Variants in SMARCC1 observed in about 807,000 individuals in gnomAD.
SMARCC1 encodes the protein SWI/SNF complex subunit SMARCC1.
A neutral mutation model predicts 147.4 loss-of-function variants in SMARCC1; 43 were observed. The ratio of observed to expected loss-of-function variants is 0.29; its 90% CI spans 0.23 to 0.38. The LOEUF (loss-of-function observed/expected upper bound fraction) is 0.38, where lower values mean the gene tolerates loss of function less well. Ranked by LOEUF, SMARCC1 falls within the 10% of genes least tolerant of loss-of-function variation. SMARCC1 has a pLI of 1.00. For missense variants in SMARCC1, 1,119 were observed against 1,381.1 expected, an observed-to-expected ratio of 0.81 and a Z score of 3.01; for synonymous variants, 495 against 484.4, an observed-to-expected ratio of 1.02 and a Z score of -0.29.
At chr3:47,667,607 G>A (rs920405374) in intron 19 of SMARCC1, among the ~76,000 whole-genome samples, 4 of 152,148 alleles carry the variant, frequency 2.6e-5, no homozygotes, top group South Asian at 4.1e-4. Flanking sequence ...GGCCAAGCGC[G>A]GTGGCTTGTG....
chr3:47,679,557 A>G (rs1316426893), intron 15 of SMARCC1, among the ~76,000 whole-genome samples: 1 of 152,172 alleles, frequency 6.6e-6, no homozygotes, highest in Non-Finnish European at 1.5e-5. Flanking sequence ...ACATTCACAC[A>G]CAAGTTGAAA....
chr3:47,778,345 G>A (rs1057029322), intron 1 of SMARCC1, among the ~76,000 whole-genome samples: 2 of 151,502 alleles, frequency 1.3e-5, no homozygotes, highest in Admixed American at 1.3e-4. Context: ...GTCTCGCTCT[G>A]TTGCCCAGGC....
At chr3:47,757,733 G>A (rs540504060) in intron 2 of SMARCC1, among the ~76,000 whole-genome samples, 2 of 148,544 alleles carry the variant, frequency 1.3e-5, no homozygotes, top group Non-Finnish European at 3.0e-5. Flanking sequence ...GCAGTGAGCC[G>A]AGATCCCGCC....
At chr3:47,687,614 G>GA (rs1310337011) in intron 13 of SMARCC1, among the ~76,000 whole-genome samples, 1 of 152,172 alleles carries the variant, frequency 6.6e-6, no homozygotes, top group Non-Finnish European at 1.5e-5. Context: ...ACCATAGGCA[G>GA]GTGCCACCAC....
chr3:47,731,797 T>C (rs1351830456), intron 5 of SMARCC1, among the ~76,000 whole-genome samples: 1 of 152,202 alleles, frequency 6.6e-6, no homozygotes, highest in Non-Finnish European at 1.5e-5. Context: ...ATACTGTAAA[T>C]AGATGTGCTG....
intron 2 of SMARCC1, among the ~76,000 whole-genome samples, chr3:47,755,473 G>T (rs963997504): frequency 6.7e-6 from 1 of 149,488 alleles, no homozygotes; most frequent in East Asian, 2.0e-4. Context: ...CTCCAGCCTG[G>T]GCAACAGAGC....
chr3:47,590,591 C>G, intron 27 of SMARCC1, 70 bp downstream of exon 27: 21 of 1,331,104 alleles, frequency 1.6e-5, no homozygotes, highest in Non-Finnish European at 2.1e-5. Context: ...GAGAACAAAG[C>G]CTCCTTCCCT....
chr3:47,592,534 C>A (rs1285900070), intron 26 of SMARCC1, among the ~76,000 whole-genome samples: 1 of 152,178 alleles, frequency 6.6e-6, no homozygotes, highest in Middle Eastern at 3.2e-3. Context: ...TGTAGGCGAT[C>A]CCTGCTTTGG....
chr3:47,734,112 G>A (rs887453255), intron 5 of SMARCC1, among the ~76,000 whole-genome samples: 8 of 151,922 alleles, frequency 5.3e-5, no homozygotes, highest in Non-Finnish European at 7.4e-5. Context: ...AGTATGACCC[G>A]GTGACAAAAA....
chr3:47,683,723 C>CA (rs1042690927), intron 14 of SMARCC1, among the ~76,000 whole-genome samples: 6 of 151,348 alleles, frequency 4.0e-5, no homozygotes, highest in Non-Finnish European at 8.8e-5. Flanking sequence ...GACTCCGTCT[C>CA]AAAAAAACAG....
chr3:47,624,228 T>G (rs926594184), intron 24 of SMARCC1, among the ~76,000 whole-genome samples: 3 of 151,526 alleles, frequency 2.0e-5, no homozygotes, highest in African/African-American at 7.3e-5. Context: ...GAGGCAGAGG[T>G]TGCAGTGAGC....
intron 7 of SMARCC1, among the ~76,000 whole-genome samples, chr3:47,715,991 C>G (rs946718580): frequency 6.6e-6 from 1 of 151,696 alleles, no homozygotes; most frequent in Non-Finnish European, 1.5e-5. Context: ...AAAATAGGCA[C>G]AAAATTTTAA....
chr3:47,680,541 G>GTTGTTTT, intron 14 of SMARCC1, 33 bp from the exon 15 acceptor site: 2 of 425,120 alleles, frequency 4.7e-6, no homozygotes. Flanking sequence ...ATTTAGGAGT[G>GTTGTTTT]TTCTTTTTTT....
chr3:47,647,484 C>T (rs1440500277), intron 21 of SMARCC1, among the ~76,000 whole-genome samples: 2 of 152,162 alleles, frequency 1.3e-5, no homozygotes, highest in East Asian at 1.9e-4. Flanking sequence ...ATATTTTCAA[C>T]TTATAATGAG....
At chr3:47,590,916 A>C (rs1335949233) in intron 26 of SMARCC1, 79 bp from the exon 27 acceptor site, 4 of 1,161,416 alleles carry the variant, frequency 3.4e-6, no homozygotes, top group Non-Finnish European at 5.0e-6. Context: ...CCAACTCCTA[A>C]ATACAAATAT....
chr3:47,673,402 G>C lies in SMARCC1; in HGVS notation c.1839+2073C>G, dbSNP rs1232290060. 2.2e-5 allele frequency among the ~76,000 whole-genome samples: 3 copies of C among 135,208 alleles called. 1 individual carries two copies. The highest frequency in any genetic ancestry group is 5.2e-5 in the African/African-American group (2 of 38,324). The allele number at this position is 135,208 out of a possible 152,430, so 88.7% of individuals were successfully genotyped here. On this transcript the variant is annotated intron_variant, in intron 18 of 27. Transcript: ENST00000254480. ...CTCTGTCTCAAAAAAAAAAGGGTGG[G>C]GGGGGGGCAGGCCAGTGGCTCAGGC...
At chr3:47,616,989 T>C (rs1191018508) in intron 25 of SMARCC1, among the ~76,000 whole-genome samples, 1 of 151,914 alleles carries the variant, frequency 6.6e-6, no homozygotes, top group East Asian at 1.9e-4. Flanking sequence ...GTGGGGGAGG[T>C]GGAGAGTTGG....
At position 47,772,952 on chromosome 3, in the gene SMARCC1, A is replaced by G. The variant is rs755584631; in HGVS notation, c.196-16T>C. The G allele has an allele frequency of 2.5e-6, 4 of 1,607,534 alleles. No homozygotes were observed. Among genetic ancestry groups the G allele is most frequent in the Admixed American group, 3.4e-5 (2 of 58,988 alleles). ...CATGAACATACTGCAAGATAAAGAC[A>G]GGCATTCAAAAACTAGTACAATTTT... is the stretch of plus-strand genomic sequence containing the variant. On this transcript the variant is annotated splice_polypyrimidine_tract_variant and intron_variant, in intron 1 of 27. Transcript: ENST00000254480.
At chr3:47,632,731 A>G (rs2032909303) in intron 24 of SMARCC1, among the ~76,000 whole-genome samples, 1 of 152,222 alleles carries the variant, frequency 6.6e-6, no homozygotes, top group Non-Finnish European at 1.5e-5. Flanking sequence ...TTAGATAGAG[A>G]TAAAAGAATC....
Sources: allele counts gnomAD v4.1 joint callset (sites outside exome capture counted in the v4.1 genomes callset), GRCh38; gene constraint gnomAD v4.1.1; transcripts MANE v1.5; gene names NCBI Gene and HGNC (gene_info 2026-07-23, HGNC 2026-07-21).